The following OR5T2 variants were observed in gnomAD, a reference collection of about 807,000 sequenced individuals.
The protein encoded by OR5T2 is olfactory receptor 5T2.
A neutral mutation model predicts 13.7 loss-of-function variants in OR5T2; 12 were observed. The observed-to-expected ratio is 0.88, with a 90% CI of 0.56 to 1.42. The LOEUF is 1.42. Ranked by LOEUF, OR5T2 falls within the 40% of genes most tolerant of loss-of-function variation. The pLI is 0.00. For missense variants in OR5T2, 475 were observed against 372.0 expected, an observed-to-expected ratio of 1.28 and a Z score of -2.28; for synonymous variants, 146 against 139.5, an observed-to-expected ratio of 1.05 and a Z score of -0.33.
Position 56,232,911 on chromosome 11 carries a change from G to T in OR5T2, c.152C>A (p.Ser51Tyr), listed in dbSNP as rs780148421. The T allele has an allele frequency of 6.2e-7, 1 of 1,612,104 alleles. No homozygotes were observed. The highest frequency in any genetic ancestry group is 8.5e-7 in the Non-Finnish European group (1 of 1,179,106). ...LGLILVVIRDSQLHKPMYYFL... is the reference protein window; with the variant it reads ...LGLILVVIRDYQLHKPMYYFL... ...ATAGTACATGGGTTTGTGGAGCTGG[G>T]AATCCCTAATGACCACTAAAATCAG... Residue 51 changes from serine to tyrosine, a missense_variant, in exon 2 of 2, where the codon TCC (serine) becomes TAC (tyrosine). Transcript: ENST00000641661.
Position 56,232,877 on chromosome 11 carries a change from A to T in OR5T2, c.186T>A (p.Ser62Arg), listed in dbSNP as rs768024453. The T allele has an allele frequency of 6.2e-6, 10 of 1,612,084 alleles. No homozygotes were observed. In the Middle Eastern group the frequency reaches 9.9e-4, roughly 159 times the overall value. Residue 62 changes from serine (S) to arginine (R), a missense_variant, in exon 2 of 2, where the codon AGT becomes AGA. Ser to Arg is a moderately radical substitution (Grantham distance 110). Transcript: ENST00000641661. Reference protein sequence around the residue: ...QLHKPMYYFLSMLSSVDACYS... With the variant: ...QLHKPMYYFLRMLSSVDACYS... ...AGCAGGCATCCACAGAAGACAACAT[A>T]CTCAGAAAATAGTACATGGGTTTGT...
rs77295387 is a variant in OR5T2, at chr11:56,232,603, C to T, written c.460G>A (p.Ala154Thr). ...AATGTAGCCACTGTATGTATAGTAG[C>T]ATGTAAAATGCCAGCAACATAGGAA... ...NASYVAGILH[A>T]TIHTVATFSL... is the part of the protein sequence containing the mutation. The change falls in exon 2 of 2, where the codon GCT (alanine) becomes ACT (threonine). Residue 154 changes from alanine (A) to threonine (T), a missense_variant. Ala to Thr is a moderately conservative substitution (Grantham distance 58). Coordinates refer to ENST00000641661, the MANE Select transcript of OR5T2 (RefSeq NM_001004746.4). 38,274 of 1,613,958 alleles carry T rather than the reference C, an allele frequency of 0.024. 531 individuals are homozygous for T. Among genetic ancestry groups the T allele is most frequent in the Non-Finnish European group, 0.028 (33,576 of 1,179,940 alleles).
rs552799513 is a variant in OR5T2 at position 56,231,857 on chromosome 11, G to A, written c.*249C>T. ...GGTATAGGGTGGGACTCTCTCATGG[G>A]AGAGTCTTAAGATTCACAATCAGTA... On this transcript the variant is annotated 3_prime_UTR_variant, in exon 2 of 2. Transcript: ENST00000641661. 1 of 335,944 alleles carries A rather than the reference G, an allele frequency of 3.0e-6. No individual in the cohort carries two copies. Among genetic ancestry groups the A allele is most frequent in the East Asian group, 5.1e-5 (1 of 19,774 alleles). The allele number at this position is 335,944 out of a possible 1,614,324, so 20.8% of individuals were successfully genotyped here. A position where few individuals can be genotyped will look rare whatever the true frequency, so the allele number is the denominator to read the frequency against.
At chr11:56,233,612 A>T (rs79608110) in intron 1 of OR5T2, among the ~76,000 whole-genome samples, 8,686 of 152,170 alleles carry the variant, frequency 0.057, 369 homozygotes, top group Non-Finnish European at 0.084. Flanking sequence ...TTAATAAAAT[A>T]TAATATGTAA....
Position 56,231,886 on chromosome 11 carries a change from C to A in OR5T2, c.*220G>T. 1 of 417,978 alleles carries A rather than the reference C, an allele frequency of 2.4e-6. No homozygotes were observed. The highest frequency in any genetic ancestry group is 4.2e-6 in the Non-Finnish European group (1 of 239,052). The allele number at this position is 417,978 out of a possible 1,614,324, so 25.9% of individuals were successfully genotyped here. ...GTCTTAAGATTCACAATCAGTAAGG[C>A]AGACATTGGAACCCAGCCTTGGTGC... is the stretch of plus-strand genomic sequence containing the variant. On this transcript the variant is annotated 3_prime_UTR_variant, in exon 2 of 2. Transcript: ENST00000641661.
rs1307056025 is a variant in OR5T2, at chr11:56,233,336, T to G, written c.-202-72A>C. 9 of 544,390 alleles carry G rather than the reference T, an allele frequency of 1.7e-5. No homozygotes were observed. The African/African-American group carries it at 1.7e-4, about 10-fold the overall frequency. 33.7% of individuals were successfully genotyped at this position (544,390 alleles called of 1,614,324 possible). A position where few individuals can be genotyped will look rare whatever the true frequency, so the allele number is the denominator to read the frequency against. ...TTATTCTGTTTCTAAAATCATCAGG[T>G]CTACTGGTTAATTTACCACTGAATT... is the stretch of plus-strand genomic sequence containing the variant. On this transcript the variant is annotated intron_variant, in intron 1 of 1. Transcript: ENST00000641661.
At position 56,232,982 on chromosome 11, in the gene OR5T2, G is replaced by C. The variant is rs758285933; in HGVS notation, c.81C>G (p.Phe27Leu). 11 of 1,606,950 alleles carry C rather than the reference G, an allele frequency of 6.8e-6. No individual in the cohort carries two copies. Among genetic ancestry groups the C allele is most frequent in the Non-Finnish European group, 9.3e-6 (11 of 1,176,656 alleles). ...DNLELQTIFF[F>L]LFLAIYLFTL... ...TGAAGAGGTAGATTGCTAGAAACAG[G>C]AAGAAGAAGATAGTCTGCAGTTCAA... Residue 27 changes from phenylalanine (F) to leucine (L), a missense_variant, in exon 2 of 2, where the codon TTC becomes TTG. Coordinates refer to ENST00000641661, the MANE Select transcript of OR5T2 (RefSeq NM_001004746.4).
rs768027185 is a variant in OR5T2, at chr11:56,232,090, C to T, written c.*16G>A. ...TTGGTATTGAGGTGCAGAGTATCAC[C>T]CTCACCTTTTATAATTTATTTTTTA... On this transcript the variant is annotated 3_prime_UTR_variant, in exon 2 of 2. Transcript: ENST00000641661. 2 of 1,517,204 alleles carry T rather than the reference C, an allele frequency of 1.3e-6. No individual in the cohort carries two copies. The highest frequency in any genetic ancestry group is 2.3e-5 in the East Asian group (1 of 43,364). 94.0% of individuals were successfully genotyped at this position (1,517,204 alleles called of 1,614,324 possible). A position where few individuals can be genotyped will look rare whatever the true frequency, so the allele number is the denominator to read the frequency against.
chr11:56,232,208 G>T lies in OR5T2; in HGVS notation c.855C>A (p.Pro285=). The T allele has an allele frequency of 1.2e-6, 2 of 1,611,986 alleles. No individual in the cohort carries two copies. Among genetic ancestry groups the T allele is most frequent in the Non-Finnish European group, 1.7e-6 (2 of 1,179,198 alleles). The change falls in exon 2 of 2, where the codon CCC becomes CCA. Residue 285 remains proline, a synonymous_variant. Coordinates refer to ENST00000641661, the MANE Select transcript of OR5T2 (RefSeq NM_001004746.4). The stretch of plus-strand genomic sequence containing the variant: ...CTTTGTTCCTCAAACTGTAGATGAC[G>T]GGATTCAGCAAGGGAATCACAATGG... ...FYTIVIPLLN[P]VIYSLRNKDV...
rs748980107 is a variant in OR5T2, at chr11:56,233,108, C to T, written c.-46G>A. The T allele has an allele frequency of 6.3e-7, 1 of 1,599,334 alleles. No individual in the cohort carries two copies. Among genetic ancestry groups the T allele is most frequent in the South Asian group, 1.1e-5 (1 of 89,790 alleles). ...TGAAGATATGCATAAAGTTACAGTT[C>T]ATATTATGACAAAAAGAATGAACAA... On this transcript the variant is annotated 5_prime_UTR_variant, in exon 2 of 2. It removes an upstream start codon present in the reference 5' UTR. Coordinates refer to ENST00000641661, the MANE Select transcript of OR5T2 (RefSeq NM_001004746.4).
chr11:56,232,429 CA>C lies in OR5T2; in HGVS notation c.633del (p.Ile211MetfsTer3), dbSNP rs1409997331. ...AGAATCAAACCATAGGAGATCAGAA[CA>C]ATCAGGATAGTGACCAGCTCGATAG... ...VGSIELVTIL[I>X]VLISYGLILL... On this transcript the variant is annotated frameshift_variant, in exon 2 of 2. Transcript: ENST00000641661. LOFTEE classifies it high-confidence loss of function. 2.5e-6 allele frequency: 4 copies of C among 1,609,922 alleles called. No homozygotes were observed. The East Asian group carries it at 8.9e-5, about 36-fold the overall frequency.
chr11:56,231,578 T>C lies in OR5T2; in HGVS notation c.*528A>G, dbSNP rs1853279034. 1 of 152,166 alleles carries C rather than the reference T, an allele frequency of 6.6e-6. No homozygotes were observed. The highest frequency in any genetic ancestry group is 2.1e-4 in the South Asian group (1 of 4,832). The allele number at this position is 152,166 out of a possible 1,614,324, so 9.4% of individuals were successfully genotyped here. On this transcript the variant is annotated 3_prime_UTR_variant, in exon 2 of 2. Coordinates refer to ENST00000641661, the MANE Select transcript of OR5T2 (RefSeq NM_001004746.4). ...GATCTCCCATGACCCCCTCTTTGGGTTTCATTAAATTACTGAAGCAGCTCA... is the reference window on the plus strand; with the variant it reads ...GATCTCCCATGACCCCCTCTTTGGGCTTCATTAAATTACTGAAGCAGCTCA...
rs140049477 is a variant in OR5T2 at position 56,231,717 on chromosome 11, C to A, written c.*389G>T. The A allele has an allele frequency of 6.1e-6, 1 of 164,736 alleles. No individual in the cohort carries two copies. Among genetic ancestry groups the A allele is most frequent in the Admixed American group, 6.4e-5 (1 of 15,644 alleles). The allele number at this position is 164,736 out of a possible 1,614,324, so 10.2% of individuals were successfully genotyped here. On this transcript the variant is annotated 3_prime_UTR_variant, in exon 2 of 2. Coordinates refer to ENST00000641661, the MANE Select transcript of OR5T2 (RefSeq NM_001004746.4). ...AAGGGGTGCAGAGTTTCCATGCCCT[C>A]CCTGACCATGCCACCCTCTAGGAAC... is the stretch of plus-strand genomic sequence containing the variant.
Position 56,232,498 on chromosome 11 carries a change from C to T in OR5T2, c.565G>A (p.Asp189Asn). The change falls in exon 2 of 2, where the codon GAC becomes AAC. Residue 189 changes from aspartate (D) to asparagine (N), a missense_variant. Asp to Asn is a conservative substitution (Grantham distance 23). Coordinates refer to ENST00000641661, the MANE Select transcript of OR5T2 (RefSeq NM_001004746.4). The stretch of plus-strand genomic sequence containing the variant: ...AGTAGAAGCTGGTTTGTGTGAGTGT[C>T]AGAATAAGAAATAGCAAGGAGAGGA... The part of the protein sequence containing the change: ...IPPLLAISYS[D>N]THTNQLLLFY... The T allele has an allele frequency of 6.2e-7, 1 of 1,607,978 alleles. No individual in the cohort carries two copies. The highest frequency in any genetic ancestry group is 1.3e-5 in the African/African-American group (1 of 74,934).
rs972633822 is a variant in OR5T2 at position 56,231,936 on chromosome 11, T to C, written c.*170A>G. The C allele has an allele frequency of 1.9e-6, 1 of 513,072 alleles. No individual in the cohort carries two copies. Among genetic ancestry groups the C allele is most frequent in the Admixed American group, 3.8e-5 (1 of 26,592 alleles). The allele number at this position is 513,072 out of a possible 1,614,324, so 31.8% of individuals were successfully genotyped here. A position where few individuals can be genotyped will look rare whatever the true frequency, so the allele number is the denominator to read the frequency against. On this transcript the variant is annotated 3_prime_UTR_variant, in exon 2 of 2. Coordinates refer to ENST00000641661, the MANE Select transcript of OR5T2 (RefSeq NM_001004746.4). ...CAAGTGAAAGGAGGGCAGGAGAAGG[T>C]AAAAGGCCTGCCCCTGAGGTATAAC...
Position 56,233,118 on chromosome 11 carries a change from C to A in OR5T2, c.-56G>T. On this transcript the variant is annotated 5_prime_UTR_variant, in exon 2 of 2. Transcript: ENST00000641661. ...CATAAAGTTACAGTTCATATTATGA[C>A]AAAAAGAATGAACAACACCATGACT... The A allele has an allele frequency of 2.5e-6, 4 of 1,594,160 alleles. No individual in the cohort carries two copies. The highest frequency in any genetic ancestry group is 1.1e-5 in the South Asian group (1 of 89,144).
Position 56,231,690 on chromosome 11 carries a change from G to A in OR5T2, c.*416C>T, listed in dbSNP as rs545914328. 59 of 158,554 alleles carry A rather than the reference G, an allele frequency of 3.7e-4. No homozygotes were observed. The South Asian group carries it at 7.7e-3, about 21-fold the overall frequency. 9.8% of individuals were successfully genotyped at this position (158,554 alleles called of 1,614,324 possible). A position where few individuals can be genotyped will look rare whatever the true frequency, so the allele number is the denominator to read the frequency against. ...AGGGATGTGTAGGGCAAAGTATAAGGAAAGGGGTGCAGAGTTTCCATGCCC... is the reference window on the plus strand; with the variant it reads ...AGGGATGTGTAGGGCAAAGTATAAGAAAAGGGGTGCAGAGTTTCCATGCCC... On this transcript the variant is annotated 3_prime_UTR_variant, in exon 2 of 2. Coordinates refer to ENST00000641661, the MANE Select transcript of OR5T2 (RefSeq NM_001004746.4).
rs1853285731 is a variant in OR5T2 at position 56,231,934 on chromosome 11, G to A, written c.*172C>T. The A allele has an allele frequency of 2.0e-6, 1 of 508,134 alleles. No individual in the cohort carries two copies. The highest frequency in any genetic ancestry group is 3.3e-6 in the Non-Finnish European group (1 of 300,720). The allele number at this position is 508,134 out of a possible 1,614,324, so 31.5% of individuals were successfully genotyped here. A position where few individuals can be genotyped will look rare whatever the true frequency, so the allele number is the denominator to read the frequency against. ...TGCAAGTGAAAGGAGGGCAGGAGAA[G>A]GTAAAAGGCCTGCCCCTGAGGTATA... On this transcript the variant is annotated 3_prime_UTR_variant, in exon 2 of 2. Transcript: ENST00000641661.
At position 56,233,115 on chromosome 11, in the gene OR5T2, T is replaced by A; in HGVS notation, c.-53A>T. 6.3e-7 allele frequency: 1 copy of A among 1,597,468 alleles called. No individual in the cohort carries two copies. The highest frequency in any genetic ancestry group is 1.7e-4 in the Middle Eastern group (1 of 5,984). On this transcript the variant is annotated 5_prime_UTR_variant, in exon 2 of 2. Transcript: ENST00000641661. Reference sequence around the variant, plus strand: ...ATGCATAAAGTTACAGTTCATATTATGACAAAAAGAATGAACAACACCATG... The same window carrying A: ...ATGCATAAAGTTACAGTTCATATTAAGACAAAAAGAATGAACAACACCATG...
Sources: allele counts gnomAD v4.1 joint callset (sites outside exome capture counted in the v4.1 genomes callset), GRCh38; gene constraint gnomAD v4.1.1; transcripts MANE v1.5; gene names NCBI Gene and HGNC (gene_info 2026-07-23, HGNC 2026-07-21).